The following GAS2L2 variants were observed in gnomAD, a reference collection of about 807,000 sequenced individuals.
The protein encoded by GAS2L2 is growth arrest specific 2 like 2.
Under a neutral mutation model 35.2 loss-of-function variants are expected in GAS2L2, and 21 were observed. That is an observed-to-expected ratio of 0.60 (90% confidence interval 0.42 to 0.86). GAS2L2 has a LOEUF of 0.86. Ranked by LOEUF, GAS2L2 falls within the 40% of genes least tolerant of loss-of-function variation. The pLI is 0.00. For synonymous variants in GAS2L2, 490 were observed against 473.2 expected (o/e 1.04, Z -0.46); for missense variants, 1,169 against 1,144.4 (o/e 1.02, Z -0.31).
Position 35,745,972 on chromosome 17 carries a change from G to A in GAS2L2, c.1525C>T (p.Pro509Ser), listed in dbSNP as rs782509335. 58 of 1,601,628 alleles carry A rather than the reference G, an allele frequency of 3.6e-5. No individual in the cohort carries two copies. The East Asian group carries it at 1.2e-3, about 33-fold the overall frequency. Residue 509 changes from proline to serine, a missense_variant, in exon 6 of 6, where the codon CCT becomes TCT. By Grantham distance (74) the Pro-to-Ser change is moderately conservative. Transcript: ENST00000604641. ...CTTCCTGGTGTTGGGGGGCGAGCAG[G>A]GGGCAGCCGGATGGGGATCTTGGTT... The part of the protein sequence containing the change: ...GLTKIPIRLP[P>S]ARPPTPGRSF...
In GAS2L2 at chr17:35,745,025, T is replaced by C. The variant is rs781846034; in HGVS notation, c.2472A>G (p.Gly824=). ...RLLRAVLGSK[G]GEASRVDGAS... ...CTCCATCCACCCGGGATGCCTCCCC[T>C]CCCTTGCTGCCCAGCACAGCTCTCA... The change falls in exon 6 of 6, where the codon GGA becomes GGG. Residue 824 remains glycine (G), a synonymous_variant. Coordinates refer to ENST00000604641, the MANE Select transcript of GAS2L2 (RefSeq NM_139285.4). 9.3e-6 allele frequency: 15 copies of C among 1,613,908 alleles called. No homozygotes were observed. Among genetic ancestry groups the C allele is most frequent in the Non-Finnish European group, 1.2e-5 (14 of 1,180,000 alleles).
At chr17:35,749,592 G>C (rs1262773244) in intron 2 of GAS2L2, among the ~76,000 whole-genome samples, 2 of 152,192 alleles carry the variant, frequency 1.3e-5, no homozygotes, top group Non-Finnish European at 2.9e-5. Flanking sequence ...GTGGCCCTCT[G>C]TGCAGACCCT....
In GAS2L2 at chr17:35,745,596, C is replaced by CCA; in HGVS notation, c.1899_1900dup (p.Gly634ValfsTer77). On this transcript the variant is annotated frameshift_variant, in exon 6 of 6. Transcript: ENST00000604641. LOFTEE classifies it low-confidence loss of function (END_TRUNC). ...CCCAGCCAGCCTGGGGATGTAGACCCCACTGCGAGGGATGACCCCAGACCT... is the reference window on the plus strand; with the variant it reads ...CCCAGCCAGCCTGGGGATGTAGACCCCACACTGCGAGGGATGACCCCAGACCT... The CCA allele has an allele frequency of 6.2e-7, 1 of 1,613,940 alleles. No homozygotes were observed. The highest frequency in any genetic ancestry group is 1.6e-4 in the Middle Eastern group (1 of 6,062).
chr17:35,749,737 C>T (rs1185053009), intron 2 of GAS2L2, among the ~76,000 whole-genome samples: 4 of 152,192 alleles, frequency 2.6e-5, no homozygotes, highest in Admixed American at 2.0e-4. Flanking sequence ...CAAAGTCACA[C>T]AGCTGCAAAG....
intron 5 of GAS2L2, 75 bp downstream of exon 5, chr17:35,746,941 A>G (rs1376779733): frequency 1.4e-6 from 2 of 1,429,590 alleles, no homozygotes; most frequent in Non-Finnish European, 1.9e-6. Context: ...TGCTCCTTTT[A>G]TCTTGGAGTG....
In GAS2L2 at chr17:35,746,294, T is replaced by C. The variant is rs1371432190; in HGVS notation, c.1203A>G (p.Gly401=). 9.1e-6 allele frequency: 13 copies of C among 1,430,224 alleles called. No individual in the cohort carries two copies. Among genetic ancestry groups the C allele is most frequent in the Middle Eastern group, 3.7e-4 (2 of 5,348 alleles). 88.6% of individuals were successfully genotyped at this position (1,430,224 alleles called of 1,614,324 possible). The part of the protein sequence containing the change: ...KGRDPQCTSS[G]KREERYPPEL... ...CAGGGGGGTATCTCTCCTCCCTCTT[T>C]CCTGACGAGGTACACTGTGGGTCTC... Residue 401 remains glycine (G), a synonymous_variant, in exon 6 of 6, where the codon GGA becomes GGG. Coordinates refer to ENST00000604641, the MANE Select transcript of GAS2L2 (RefSeq NM_139285.4).
At chr17:35,752,340 G>C in intron 1 of GAS2L2, 126 bp downstream of exon 1, 1 of 933,134 alleles carries the variant, frequency 1.1e-6, no homozygotes, top group Non-Finnish European at 1.6e-6. Flanking sequence ...AAAAGAGCTG[G>C]TTCAAGGCAA....
At position 35,749,236 on chromosome 17, in the gene GAS2L2, C is replaced by T. The variant is rs1555599432; in HGVS notation, c.628-19G>A. 20 of 1,556,530 alleles carry T rather than the reference C, an allele frequency of 1.3e-5. No individual in the cohort carries two copies. The highest frequency in any genetic ancestry group is 1.5e-5 in the Non-Finnish European group (17 of 1,132,466). On this transcript the variant is annotated intron_variant, in intron 2 of 5. Coordinates refer to ENST00000604641, the MANE Select transcript of GAS2L2 (RefSeq NM_139285.4). ...TCTGCACCTGCGGGCGGGTGGTGAA[C>T]TCAGCCCTCTCCTTTGCCCACTCTG...
intron 5 of GAS2L2, among the ~76,000 whole-genome samples, 163 bp downstream of exon 5, chr17:35,746,853 C>T (rs748277090): frequency 6.6e-6 from 1 of 152,222 alleles, no homozygotes; most frequent in East Asian, 1.9e-4. Context: ...TATGAAGTAA[C>T]CACATTATCC....
rs782574048 is a variant in GAS2L2 at position 35,752,565 on chromosome 17, C to T, written c.286G>A (p.Gly96Arg). ...TGGGCGGCCCCATTGCAGGAGACCC[C>T]GACCCGGGGCATGGGAATCTTCTGG... ...QAQKIPMPRV[G>R]VSCNGAAQPG... The change falls in exon 1 of 6, where the codon GGG (glycine) becomes AGG (arginine). Residue 96 changes from glycine to arginine, a missense_variant. Physicochemically the swap from Gly to Arg is moderately radical, Grantham distance 125 (BLOSUM62 -2). This residue lies in a region of GAS2L2 where 127 missense variants were observed against 146.1 expected (regional missense o/e 0.87). Transcript: ENST00000604641. The T allele has an allele frequency of 1.5e-5, 25 of 1,613,764 alleles. No homozygotes were observed. The highest frequency in any genetic ancestry group is 5.0e-5 in the Admixed American group (3 of 60,012).
chr17:35,747,168 G>A lies in GAS2L2; in HGVS notation c.933C>T (p.Ile311=), dbSNP rs1555599106. 1.2e-6 allele frequency: 2 copies of A among 1,614,110 alleles called. No homozygotes were observed. Among genetic ancestry groups the A allele is most frequent in the Admixed American group, 3.3e-5 (2 of 60,030 alleles). The change falls in exon 5 of 6, where the codon ATC becomes ATT. Residue 311 remains isoleucine (I), a synonymous_variant. Transcript: ENST00000604641. Reference sequence around the variant, plus strand: ...GGGGTGGTGGGCTCTGTGAGCGGCTGATGGTCATTGTAGGCTGGGTCTGTG... The same window carrying A: ...GGGGTGGTGGGCTCTGTGAGCGGCTAATGGTCATTGTAGGCTGGGTCTGTG... ...GPSQTQPTMT[I]SRSQSPPPPV...
intron 2 of GAS2L2, among the ~76,000 whole-genome samples, chr17:35,749,700 A>G (rs2085691109): frequency 6.6e-6 from 1 of 152,228 alleles, no homozygotes; most frequent in Admixed American, 6.5e-5. Context: ...AAGGGAAGCC[A>G]GACACAGAGA....
chr17:35,752,523 C>T lies in GAS2L2; in HGVS notation c.328G>A (p.Ala110Thr), dbSNP rs142617075. 3 of 1,610,674 alleles carry T rather than the reference C, an allele frequency of 1.9e-6. No individual in the cohort carries two copies. The highest frequency in any genetic ancestry group is 1.7e-6 in the Non-Finnish European group (2 of 1,177,432). The change falls in exon 1 of 6, where the codon GCC becomes ACC. Residue 110 changes from alanine to threonine, a missense_variant. This residue lies in a region of GAS2L2 where 127 missense variants were observed against 146.1 expected (regional missense o/e 0.87). Coordinates refer to ENST00000604641, the MANE Select transcript of GAS2L2 (RefSeq NM_139285.4). ...ATGAAGTTAGAGACATTGTCCCTGGCCTGGAAGGTACCTGGCTGGGCGGCC... is the reference window on the plus strand; with the variant it reads ...ATGAAGTTAGAGACATTGTCCCTGGTCTGGAAGGTACCTGGCTGGGCGGCC... ...NGAAQPGTFQ[A>T]RDNVSNFIQW...
chr17:35,752,770 A>C lies in GAS2L2; in HGVS notation c.81T>G (p.Ser27Arg). ...CCTTCATGGCCTCCAGGTACTGCTC[A>C]CTCGACTTGAAAGGCCGGATACTGC... is the stretch of plus-strand genomic sequence containing the variant. ...PVCSIRPFKS[S>R]EQYLEAMKED... Residue 27 changes from serine (S) to arginine (R), a missense_variant, in exon 1 of 6, where the codon AGT (serine) becomes AGG (arginine). Ser to Arg is a moderately radical substitution (Grantham distance 110, BLOSUM62 -1). Transcript: ENST00000604641. The C allele has an allele frequency of 6.2e-7, 1 of 1,613,650 alleles. No homozygotes were observed. The highest frequency in any genetic ancestry group is 1.1e-5 in the South Asian group (1 of 91,068).
Position 35,750,331 on chromosome 17 carries a change from C to G in GAS2L2, c.386-13G>C. 1 of 1,613,766 alleles carries G rather than the reference C, an allele frequency of 6.2e-7. No homozygotes were observed. Among genetic ancestry groups the G allele is most frequent in the Non-Finnish European group, 8.5e-7 (1 of 1,179,894 alleles). On this transcript the variant is annotated splice_polypyrimidine_tract_variant and intron_variant, in intron 1 of 5. Transcript: ENST00000604641. ...AACATCAGCACCTCTGGAGTGGAGG[C>G]GGGGAGAAAAGGGCAGAGGCAGCGT... is the stretch of plus-strand genomic sequence containing the variant.
At position 35,752,701 on chromosome 17, in the gene GAS2L2, G is replaced by A. The variant is rs782292477; in HGVS notation, c.150C>T (p.Ile50=). ...GCACCTGCAGGAAGTTGGCTGCGTCGATGTCCAGCCCATAGAGGTCGCGAA... is the reference window on the plus strand; with the variant it reads ...GCACCTGCAGGAAGTTGGCTGCGTCAATGTCCAGCCCATAGAGGTCGCGAA... ...EWLRDLYGLD[I]DAANFLQVLE... is the part of the protein sequence containing the mutation. The change falls in exon 1 of 6, where the codon ATC becomes ATT. Residue 50 remains isoleucine, a synonymous_variant. Coordinates refer to ENST00000604641, the MANE Select transcript of GAS2L2 (RefSeq NM_139285.4). 1.7e-5 allele frequency: 28 copies of A among 1,613,892 alleles called. No individual in the cohort carries two copies. The highest frequency in any genetic ancestry group is 2.1e-5 in the Non-Finnish European group (25 of 1,180,040).
chr17:35,749,109 C>A lies in GAS2L2; in HGVS notation c.735+1G>T, dbSNP rs782677804. 2 of 1,608,582 alleles carry A rather than the reference C, an allele frequency of 1.2e-6. No homozygotes were observed. Among genetic ancestry groups the A allele is most frequent in the African/African-American group, 1.3e-5 (1 of 74,782 alleles). On this transcript the variant is annotated splice_donor_variant, in intron 3 of 5. Coordinates refer to ENST00000604641, the MANE Select transcript of GAS2L2 (RefSeq NM_139285.4). LOFTEE classifies it high-confidence loss of function. ...TCCCTTGACCCCCAGCCTGGACTTA[C>A]CCGGATGAAGATGAGGGTGTTGGAG...
Position 35,750,263 on chromosome 17 carries a change from C to T in GAS2L2, c.441G>A (p.Val147=), listed in dbSNP as rs1454985277. The part of the protein sequence containing the change: ...DLVLRKNVKN[V]VLCLLELGRR... ...GGCCCAGCTCCAGCAAACACAGCAC[C>T]ACGTTCTTCACGTTCTTGCGCAGCA... The change falls in exon 2 of 6, where the codon GTG becomes GTA. Residue 147 remains valine, a synonymous_variant. Transcript: ENST00000604641. 1.2e-6 allele frequency: 2 copies of T among 1,613,396 alleles called. No homozygotes were observed. The highest frequency in any genetic ancestry group is 1.7e-6 in the Non-Finnish European group (2 of 1,179,536).
rs2085711173 is a variant in GAS2L2 at position 35,752,691 on chromosome 17, T to C, written c.160A>G (p.Asn54Asp). ...DLYGLDIDAA[N>D]FLQVLETGLV... ...CCCGTTTCCAGCACCTGCAGGAAGT[T>C]GGCTGCGTCGATGTCCAGCCCATAG... Residue 54 changes from asparagine to aspartate, a missense_variant, in exon 1 of 6, where the codon AAC (asparagine) becomes GAC (aspartate). Physicochemically the swap from Asn to Asp is conservative, Grantham distance 23. Coordinates refer to ENST00000604641, the MANE Select transcript of GAS2L2 (RefSeq NM_139285.4). The C allele has an allele frequency of 2.5e-6, 4 of 1,613,940 alleles. No homozygotes were observed. The highest frequency in any genetic ancestry group is 3.3e-5 in the Admixed American group (2 of 60,010).
Sources: gnomAD v4.1 joint callset for allele counts (sites outside exome capture counted in the v4.1 genomes callset) on GRCh38, gnomAD v4.1.1 for gene constraint, gnomAD v4.1.1 regional missense constraint, MANE v1.5 for transcripts, NCBI Gene and HGNC (gene_info 2026-07-23, HGNC 2026-07-21) for gene names.